ADAMTS18: variants seen among roughly 807,000 people sequenced by gnomAD.
The protein encoded by ADAMTS18 is ADAM metallopeptidase with thrombospondin type 1 motif 18, also known as A disintegrin and metalloproteinase with thrombospondin motifs 18.
In ADAMTS18, 157 loss-of-function variants were observed where a neutral mutation model predicts 165.9. The ratio of observed to expected loss-of-function variants is 0.95; its 90% CI spans 0.83 to 1.08. The LOEUF is 1.08. Among genes scored for constraint, ADAMTS18 ranks in the 50% least tolerant of loss-of-function variants. The pLI, the probability that ADAMTS18 is intolerant of heterozygous loss-of-function variation, is 0.00. For synonymous variants in ADAMTS18, 782 were observed against 578.2 expected (o/e 1.35, Z -5.06); for missense variants, 2,040 against 1,534.0 (o/e 1.33, Z -5.51).
intron 13 of ADAMTS18, among the ~76,000 whole-genome samples, chr16:77,325,017 T>C (rs2056068220): frequency 6.6e-6 from 1 of 152,244 alleles, no homozygotes; most frequent in Non-Finnish European, 1.5e-5. Context: ...GCTCTACTTG[T>C]TATAGTGATG....
At chr16:77,400,480 G>GTGTGT (rs2057315329) in intron 3 of ADAMTS18, among the ~76,000 whole-genome samples, 1 of 104,034 alleles carries the variant, frequency 9.6e-6, no homozygotes, top group African/African-American at 3.2e-5. Context: ...GTGTGTGTGT[G>GTGTGT]TTTTGTTTTT....
chr16:77,319,303 T>C (rs183853537), intron 16 of ADAMTS18, among the ~76,000 whole-genome samples: 78 of 152,278 alleles, frequency 5.1e-4, no homozygotes, highest in African/African-American at 1.7e-3. Flanking sequence ...AACCCAAGCA[T>C]ATTGGTGAAA....
At chr16:77,346,908 A>G (rs527963946) in intron 10 of ADAMTS18, among the ~76,000 whole-genome samples, 37 of 152,314 alleles carry the variant, frequency 2.4e-4, no homozygotes, top group African/African-American at 7.7e-4. Flanking sequence ...AAACACCACC[A>G]CATTCAAGGC....
At chr16:77,320,652 C>A (rs1386098763) in intron 15 of ADAMTS18, among the ~76,000 whole-genome samples, 1 of 150,530 alleles carries the variant, frequency 6.6e-6, no homozygotes, top group South Asian at 2.1e-4. Context: ...AAAAAAAAAT[C>A]TGTCTGGAAG....
chr16:77,294,793 C>A (rs1293510228), intron 19 of ADAMTS18, 130 bp downstream of exon 19: 3 of 899,002 alleles, frequency 3.3e-6, no homozygotes, highest in South Asian at 2.9e-5. Flanking sequence ...ATGCAGATTC[C>A]CAGGCACATG....
At chr16:77,403,800 A>C (rs1189403523) in intron 3 of ADAMTS18, among the ~76,000 whole-genome samples, 1 of 152,204 alleles carries the variant, frequency 6.6e-6, no homozygotes, top group Non-Finnish European at 1.5e-5. Context: ...TGAGAGACAA[A>C]TAACCAAGGA....
At position 77,295,135 on chromosome 16, in the gene ADAMTS18, T is replaced by C. The variant is rs1338875524; in HGVS notation, c.2802-8A>G. On this transcript the variant is annotated splice_polypyrimidine_tract_variant and splice_region_variant and intron_variant, in intron 18 of 22. Coordinates refer to ENST00000282849, the MANE Select transcript of ADAMTS18 (RefSeq NM_199355.4). ...CATTCACCTGGCATCCAGCTTTCAG[T>C]GCAAAACAAACATTACCAATGAAGC... 6.2e-7 allele frequency: 1 copy of C among 1,614,086 alleles called. No individual in the cohort carries two copies. Among genetic ancestry groups the C allele is most frequent in the Non-Finnish European group, 8.5e-7 (1 of 1,180,000 alleles).
intron 16 of ADAMTS18, among the ~76,000 whole-genome samples, chr16:77,309,965 C>G (rs1008374313): frequency 6.6e-6 from 1 of 152,146 alleles, no homozygotes; most frequent in Non-Finnish European, 1.5e-5. Flanking sequence ...ACTTTAAATG[C>G]TATTTGCTGT....
At position 77,293,293 on chromosome 16, in the gene ADAMTS18, AT is replaced by A. The variant is rs1278664883; in HGVS notation, c.3007-36del. On this transcript the variant is annotated intron_variant, in intron 19 of 22. Coordinates refer to ENST00000282849, the MANE Select transcript of ADAMTS18 (RefSeq NM_199355.4). ...ACAAAAAAGTTCTATTTGCATTCCC[AT>A]TAGGTTTCAGTAGCCACATTAAAAA... is the stretch of plus-strand genomic sequence containing the variant. 3.2e-6 allele frequency: 5 copies of A among 1,573,608 alleles called. No individual in the cohort carries two copies. The East Asian group carries it at 1.1e-4, about 35-fold the overall frequency.
chr16:77,340,838 G>A (rs1405442612), intron 11 of ADAMTS18, among the ~76,000 whole-genome samples: 1 of 152,142 alleles, frequency 6.6e-6, no homozygotes, highest in African/African-American at 2.4e-5. Flanking sequence ...AAAGTGTTGG[G>A]ATTACAGGTA....
chr16:77,431,855 T>A (rs1443948080), intron 2 of ADAMTS18: 1 of 561,718 alleles, frequency 1.8e-6, no homozygotes, highest in Non-Finnish European at 3.2e-6. Context: ...ATTTCATGGA[T>A]GTCTGTGGAA....
rs1208620076 is a variant in ADAMTS18, at chr16:77,282,792, A to G, written c.*1164T>C. 2.0e-5 allele frequency: 3 copies of G among 152,476 alleles called. No homozygotes were observed. The highest frequency in any genetic ancestry group is 6.6e-5 in the Admixed American group (1 of 15,254). 9.4% of individuals were successfully genotyped at this position (152,476 alleles called of 1,614,324 possible). ...GCCTACCAACAGCTGGCTTCTGATG[A>G]CTGAAAATACTCTTATTCAGTGAGG... On this transcript the variant is annotated 3_prime_UTR_variant, in exon 23 of 23. Coordinates refer to ENST00000282849, the MANE Select transcript of ADAMTS18 (RefSeq NM_199355.4).
chr16:77,357,065 T>A (rs77961454), intron 8 of ADAMTS18, among the ~76,000 whole-genome samples: 13,001 of 150,416 alleles, frequency 0.086, 767 homozygotes, highest in East Asian at 0.26. Context: ...TTTAAATTGT[T>A]CTTAATCTCA....
At chr16:77,332,521 T>A (rs770126579) in intron 12 of ADAMTS18, among the ~76,000 whole-genome samples, 2 of 152,176 alleles carry the variant, frequency 1.3e-5, no homozygotes, top group Non-Finnish European at 2.9e-5. Flanking sequence ...CTACATTTTT[T>A]TATACATAAA....
rs148856526 is a variant in ADAMTS18 at position 77,428,751 on chromosome 16, AT to A, written c.495+2543del. 7.2e-3 allele frequency among the ~76,000 whole-genome samples: 1,093 copies of A among 152,282 alleles called. 11 individuals carry two copies. Among genetic ancestry groups the A allele is most frequent in the African/African-American group, 0.024 (1,013 of 41,560 alleles). ...GAAAATCCTTATTGGAGCATTTCAGATTTTTTGCATTAGAGATGCTCAACCA... is the reference window on the plus strand; with the variant it reads ...GAAAATCCTTATTGGAGCATTTCAGATTTTTGCATTAGAGATGCTCAACCA... On this transcript the variant is annotated intron_variant, in intron 3 of 22. Coordinates refer to ENST00000282849, the MANE Select transcript of ADAMTS18 (RefSeq NM_199355.4).
At chr16:77,328,152 G>A (rs1481944342) in intron 12 of ADAMTS18, among the ~76,000 whole-genome samples, 2 of 152,012 alleles carry the variant, frequency 1.3e-5, no homozygotes, top group Non-Finnish European at 2.9e-5. Flanking sequence ...GATCTTGGTA[G>A]GCAGATTCTA....
At chr16:77,311,256 T>C (rs1049857406) in intron 16 of ADAMTS18, among the ~76,000 whole-genome samples, 23 of 152,368 alleles carry the variant, frequency 1.5e-4, no homozygotes, top group Middle Eastern at 6.8e-3. Flanking sequence ...AGATTTATTC[T>C]TTCTGTGGAT....
chr16:77,330,636 G>A (rs7194306), intron 12 of ADAMTS18, among the ~76,000 whole-genome samples: 1,649 of 152,254 alleles, frequency 0.011, 29 homozygotes, highest in African/African-American at 0.037. Context: ...CAGGGCTTCC[G>A]TCAGTTAAAA....
chr16:77,309,046 G>A (rs1048227736), intron 16 of ADAMTS18, among the ~76,000 whole-genome samples: 5 of 152,202 alleles, frequency 3.3e-5, no homozygotes, highest in Admixed American at 3.3e-4. Flanking sequence ...AAGTACACTA[G>A]TTCAGTGAGA....
Sources: gnomAD v4.1 joint callset for allele counts (sites outside exome capture counted in the v4.1 genomes callset) on GRCh38, gnomAD v4.1.1 for gene constraint, MANE v1.5 for transcripts, NCBI Gene and HGNC (gene_info 2026-07-23, HGNC 2026-07-21) for gene names.